RUFY1: variants seen among roughly 807,000 people sequenced by gnomAD.
RUFY1 encodes the protein RUN and FYVE domain-containing protein 1.
In RUFY1, 54 loss-of-function variants were observed where a neutral mutation model predicts 94.6. That is an observed-to-expected ratio of 0.57 (90% CI 0.46 to 0.72). The LOEUF is 0.72. RUFY1 is among the 30% of genes least tolerant of loss of function. RUFY1 has a pLI of 0.00. For missense variants in RUFY1, 883 were observed against 883.9 expected (o/e 1.00, Z 0.01); for synonymous variants, 396 against 347.3 (o/e 1.14, Z -1.56).
intron 5 of RUFY1, chr5:179,572,273 T>C (rs1763280864): frequency 4.3e-6 from 1 of 232,846 alleles, no homozygotes; most frequent in Admixed American, 5.9e-5. Flanking sequence ...TACGTCGTCC[T>C]CTTTTTCTAC....
At chr5:179,586,120 A>G (rs1475799508) in intron 8 of RUFY1, among the ~76,000 whole-genome samples, 4 of 152,148 alleles carry the variant, frequency 2.6e-5, no homozygotes, top group African/African-American at 9.7e-5. Context: ...ATAGAAGGAA[A>G]TTGTTCTTTG....
chr5:179,569,754 GTTT>G (rs1414116314), intron 5 of RUFY1, among the ~76,000 whole-genome samples: 1 of 147,732 alleles, frequency 6.8e-6, no homozygotes, highest in Non-Finnish European at 1.5e-5. Context: ...TTTTGTTGTT[GTTT>G]TTTTTGAGAC....
chr5:179,609,047 G>C (rs1453434207), intron 17 of RUFY1, among the ~76,000 whole-genome samples: 1 of 151,254 alleles, frequency 6.6e-6, no homozygotes, highest in East Asian at 1.9e-4. Context: ...GTGAAACCCC[G>C]TCTCTACTAA....
chr5:179,580,233 G>A lies in RUFY1; in HGVS notation c.891-714G>A, dbSNP rs1468730597. On this transcript the variant is annotated intron_variant, in intron 6 of 17. Coordinates refer to ENST00000319449, the MANE Select transcript of RUFY1 (RefSeq NM_025158.5). ...TGTGTGTGTGTGTGTGTGTGTGTGT[G>A]TGTGTGTGTATATTTTTTTTTTTTT... 1.6e-3 allele frequency among the ~76,000 whole-genome samples: 93 copies of A among 57,516 alleles called. 1 individual carries two copies. Among genetic ancestry groups the A allele is most frequent in the East Asian group, 3.4e-3 (3 of 872 alleles). The allele number at this position is 57,516 out of a possible 152,430, so 37.7% of individuals were successfully genotyped here.
intron 3 of RUFY1, among the ~76,000 whole-genome samples, chr5:179,565,861 G>A (rs1306914747): frequency 2.0e-5 from 3 of 152,016 alleles, no homozygotes; most frequent in African/African-American, 7.2e-5. Context: ...TGCACAGTTG[G>A]CCAGGCACAG....
chr5:179,569,358 G>A lies in RUFY1; in HGVS notation c.761G>A (p.Gly254Asp), dbSNP rs1331008758. The change falls in exon 5 of 18, where the codon GGT (glycine) becomes GAT (aspartate). Residue 254 changes from glycine (G) to aspartate (D), a missense_variant. Gly to Asp is a moderately conservative substitution (Grantham distance 94). Transcript: ENST00000319449. The part of the protein sequence containing the change: ...MMEEEGMVIV[G>D]LLVGLNVLDA... ...GAGGAAGAAGGGATGGTGATTGTTG[G>A]TCTGCTGGTGGGACTCAATGTTCTC... 6.2e-7 allele frequency: 1 copy of A among 1,613,612 alleles called. No individual in the cohort carries two copies. The highest frequency in any genetic ancestry group is 8.5e-7 in the Non-Finnish European group (1 of 1,179,980).
At chr5:179,607,711 G>T in intron 17 of RUFY1, 52 bp downstream of exon 17, 1 of 1,471,402 alleles carries the variant, frequency 6.8e-7, no homozygotes, top group East Asian at 2.3e-5. Context: ...TTGCCCGCTG[G>T]ATTCCCCTTT....
At chr5:179,587,215 G>A (rs1186537392) in intron 8 of RUFY1, among the ~76,000 whole-genome samples, 4 of 151,798 alleles carry the variant, frequency 2.6e-5, no homozygotes, top group Non-Finnish European at 4.4e-5. Context: ...ACCAACACCC[G>A]GCTAATTTTT....
chr5:179,582,156 T>G (rs1464450093), intron 7 of RUFY1, among the ~76,000 whole-genome samples: 1 of 150,976 alleles, frequency 6.6e-6, no homozygotes, highest in African/African-American at 2.4e-5. Context: ...GTGGTGTATT[T>G]TATTAATAGA....
intron 8 of RUFY1, chr5:179,586,533 G>A (rs908729790): frequency 2.3e-6 from 1 of 437,682 alleles, no homozygotes; most frequent in Non-Finnish European, 4.6e-6. Flanking sequence ...TCTGAGAGGG[G>A]CTTGAGAAGG....
At chr5:179,585,644 A>G (rs1224974595) in intron 7 of RUFY1, 152 bp from the exon 8 acceptor site, 2 of 611,256 alleles carry the variant, frequency 3.3e-6, no homozygotes, top group African/African-American at 3.7e-5. Flanking sequence ...GCAAATGTAT[A>G]TTTAGAATTC....
intron 14 of RUFY1, 21 bp downstream of exon 14, chr5:179,598,842 A>G: frequency 6.2e-7 from 1 of 1,613,790 alleles, no homozygotes; most frequent in Non-Finnish European, 8.5e-7. Context: ...CCATCCCGGG[A>G]GAGGAGAGCC....
chr5:179,603,143 T>C (rs1766621336), intron 15 of RUFY1, among the ~76,000 whole-genome samples: 1 of 151,942 alleles, frequency 6.6e-6, no homozygotes, highest in African/African-American at 2.4e-5. Flanking sequence ...TGGGCACCTG[T>C]AATCCCAGCT....
In RUFY1 at chr5:179,596,671, C is replaced by G; in HGVS notation, c.1621C>G (p.His541Asp). 6.2e-7 allele frequency: 1 copy of G among 1,602,234 alleles called. No homozygotes were observed. Among genetic ancestry groups the G allele is most frequent in the Non-Finnish European group, 8.5e-7 (1 of 1,175,558 alleles). Residue 541 changes from histidine (H) to aspartate (D), a missense_variant, in exon 13 of 18, where the codon CAC becomes GAC. Physicochemically the swap from His to Asp is moderately conservative, Grantham distance 81. Transcript: ENST00000319449. Reference sequence around the variant, plus strand: ...CCTGCAGCTGCAGCTCTCCCAGCTGCACGAGCAATGGTAGGGGCCCTGCAG... The same window carrying G: ...CCTGCAGCTGCAGCTCTCCCAGCTGGACGAGCAATGGTAGGGGCCCTGCAG... ...GALQLQLSQL[H>D]EQCSSLEKEL...
Position 179,567,519 on chromosome 5 carries a change from G to C in RUFY1, c.661G>C (p.Ala221Pro), listed in dbSNP as rs772217716. 1.4e-5 allele frequency: 23 copies of C among 1,613,952 alleles called. No homozygotes were observed. The highest frequency in any genetic ancestry group is 1.8e-5 in the Non-Finnish European group (21 of 1,179,808). Residue 221 changes from alanine (A) to proline (P), a missense_variant, in exon 4 of 18, where the codon GCA (alanine) becomes CCA (proline). Coordinates refer to ENST00000319449, the MANE Select transcript of RUFY1 (RefSeq NM_025158.5). ...TCTTGCACTCATGCAAAAGAAACTG[G>C]CAGATTATCTGAAAGTGCTTATAGA... ...LYLALMQKKL[A>P]DYLKVLIDNK...
At chr5:179,602,106 C>A in intron 15 of RUFY1, 120 bp downstream of exon 15, 1 of 763,382 alleles carries the variant, frequency 1.3e-6, no homozygotes, top group Non-Finnish European at 2.2e-6. Flanking sequence ...GGAGCTCAGT[C>A]CGCCGTTCAC....
At chr5:179,563,541 ACT>A (rs1554115094) in intron 3 of RUFY1, among the ~76,000 whole-genome samples, 3 of 151,820 alleles carry the variant, frequency 2.0e-5, no homozygotes, top group Non-Finnish European at 4.4e-5. Flanking sequence ...ATCCCATGAA[ACT>A]CCATTGCTGC....
chr5:179,555,664 G>A (rs6601049), intron 1 of RUFY1: 32,499 of 340,522 alleles, frequency 0.095, 1,671 homozygotes, highest in Middle Eastern at 0.14. Flanking sequence ...CGTTTTGCTC[G>A]TCACCCAGGC....
intron 15 of RUFY1, among the ~76,000 whole-genome samples, chr5:179,603,937 A>G (rs776163730): frequency 5.9e-5 from 9 of 152,258 alleles, no homozygotes; most frequent in Non-Finnish European, 1.0e-4. Flanking sequence ...CGCGCCTGTA[A>G]TCCCAGCTAC....
Sources: gnomAD v4.1 joint callset for allele counts (sites outside exome capture counted in the v4.1 genomes callset) on GRCh38, gnomAD v4.1.1 for gene constraint, MANE v1.5 for transcripts, NCBI Gene and HGNC (gene_info 2026-07-23, HGNC 2026-07-21) for gene names.